The following OSBPL5 variants were observed in gnomAD, a reference collection of about 807,000 sequenced individuals.
The protein encoded by OSBPL5 is oxysterol-binding protein-related protein 5.
A neutral mutation model predicts 111.2 loss-of-function variants in OSBPL5; 71 were observed. The observed-to-expected ratio is 0.64, with a 90% confidence interval of 0.53 to 0.78. The LOEUF (loss-of-function observed/expected upper bound fraction) is 0.78. OSBPL5 is among the 30% of genes least tolerant of loss of function. OSBPL5 has a pLI of 0.00. For synonymous variants in OSBPL5, 549 were observed against 513.9 expected, an observed-to-expected ratio of 1.07 and a Z score of -0.93; for missense variants, 1,210 against 1,189.3, an observed-to-expected ratio of 1.02 and a Z score of -0.26.
chr11:3,131,964 T>C (rs868534348), intron 1 of OSBPL5, among the ~76,000 whole-genome samples: 71 of 10,786 alleles, frequency 6.6e-3, no homozygotes, highest in African/African-American at 0.013. Flanking sequence ...CATCCATCCA[T>C]CCATCCATCC....
At chr11:3,145,471 C>A (rs571767515) in intron 1 of OSBPL5, among the ~76,000 whole-genome samples, 8 of 152,340 alleles carry the variant, frequency 5.3e-5, no homozygotes, top group Non-Finnish European at 8.8e-5. Context: ...CTCCACTGAA[C>A]CTTCTGGAAG....
rs887771448 is a variant in OSBPL5, at chr11:3,120,482, T to C, written c.545A>G (p.Lys182Arg). 3 of 1,613,426 alleles carry C rather than the reference T, an allele frequency of 1.9e-6. No homozygotes were observed. Among genetic ancestry groups the C allele is most frequent in the East Asian group, 2.2e-5 (1 of 44,890 alleles). The part of the protein sequence containing the change: ...HCCELIERPS[K>R]KDGFCFKLFH... ...GAGCTTGAAGCAGAAGCCGTCCTTC[T>C]TGGAGGGCCGCTCGATGAGCTCGCA... Residue 182 changes from lysine to arginine, a missense_variant, in exon 6 of 22, where the codon AAG (lysine) becomes AGG (arginine). Physicochemically the swap from Lys to Arg is conservative, Grantham distance 26 (BLOSUM62 2). Transcript: ENST00000263650.
At chr11:3,094,488 G>C (rs1413820952) in intron 14 of OSBPL5, 154 bp from the exon 15 acceptor site, 7 of 612,814 alleles carry the variant, frequency 1.1e-5, no homozygotes, top group Admixed American at 1.1e-4. Context: ...GGGTGAGAAG[G>C]ACAGGAGGCG....
Position 3,140,068 on chromosome 11 carries a change from G to T in OSBPL5, c.-21-10899C>A, listed in dbSNP as rs933380992. ...CTCGGCTGTGCAGCCTGGGAGGGGG[G>T]TGTGCAGTGGTCCGCCAAGCAGCAC... On this transcript the variant is annotated intron_variant, in intron 1 of 21. Coordinates refer to ENST00000263650, the MANE Select transcript of OSBPL5 (RefSeq NM_020896.4). The surrounding 1 kb of genome is among the most constrained non-coding windows in gnomAD (Gnocchi z 4.5). Among the ~76,000 whole-genome samples, 1 of 152,240 alleles carries T rather than the reference G, an allele frequency of 6.6e-6. No homozygotes were observed. The highest frequency in any genetic ancestry group is 1.5e-5 in the Non-Finnish European group (1 of 68,026).
chr11:3,138,179 G>C (rs984199133), intron 1 of OSBPL5, among the ~76,000 whole-genome samples: 3 of 152,184 alleles, frequency 2.0e-5, no homozygotes, highest in Non-Finnish European at 4.4e-5. Flanking sequence ...GCCCACTGAA[G>C]GCTCAGAGCA....
At chr11:3,164,701 C>T (rs1234875840) in intron 1 of OSBPL5, among the ~76,000 whole-genome samples, 1 of 152,220 alleles carries the variant, frequency 6.6e-6, no homozygotes, top group Non-Finnish European at 1.5e-5. Flanking sequence ...GACTCAGACA[C>T]AGCAGTCCTC....
chr11:3,089,683 C>G (rs898546032), intron 21 of OSBPL5, among the ~76,000 whole-genome samples, 163 bp downstream of exon 21: 1 of 152,218 alleles, frequency 6.6e-6, no homozygotes, highest in Non-Finnish European at 1.5e-5. Flanking sequence ...CTCCTGCCCT[C>G]GGCGGTTGTC....
In OSBPL5 at chr11:3,129,224, G is replaced by C. The variant is rs1330403636; in HGVS notation, c.-21-55C>G. On this transcript the variant is annotated intron_variant, in intron 1 of 21. Transcript: ENST00000263650. ...GGTCACCGCCCCGGAAGGGGCTTCA[G>C]AGCCACATGGTGGGGGTGCCCCTGG... 2.2e-6 allele frequency: 3 copies of C among 1,342,810 alleles called. No homozygotes were observed. In the African/African-American group the frequency reaches 4.6e-5, roughly 21 times the overall value. 83.2% of individuals were successfully genotyped at this position (1,342,810 alleles called of 1,614,324 possible). A position where few individuals can be genotyped will look rare whatever the true frequency, so the allele number is the denominator to read the frequency against.
At chr11:3,133,362 C>T (rs941890770) in intron 1 of OSBPL5, among the ~76,000 whole-genome samples, 2 of 152,232 alleles carry the variant, frequency 1.3e-5, no homozygotes, top group Non-Finnish European at 2.9e-5. Context: ...GAGGCAGCAG[C>T]GACCTGGGAT....
intron 14 of OSBPL5, among the ~76,000 whole-genome samples, chr11:3,095,899 A>C (rs1320484141): frequency 6.6e-6 from 1 of 152,180 alleles, no homozygotes; most frequent in South Asian, 2.1e-4. Flanking sequence ...CACAAGGAAC[A>C]ACAGGCCCTG....
intron 3 of OSBPL5, among the ~76,000 whole-genome samples, chr11:3,123,767 G>T (rs983720794): frequency 6.6e-6 from 1 of 152,224 alleles, no homozygotes; most frequent in Non-Finnish European, 1.5e-5. Flanking sequence ...TCCTGTTCGG[G>T]TGCTGCCTGT....
Position 3,126,577 on chromosome 11 carries a change from G to A in OSBPL5, c.137-22C>T, listed in dbSNP as rs373928003. 71 of 1,596,480 alleles carry A rather than the reference G, an allele frequency of 4.4e-5. No homozygotes were observed. Among genetic ancestry groups the A allele is most frequent in the Non-Finnish European group, 5.8e-5 (68 of 1,172,898 alleles). ...TTCCCTGCAAGAGAGCAGTGGGAGTGAGGACCCAGGCATGGTGGCGTGGCC... is the reference window on the plus strand; with the variant it reads ...TTCCCTGCAAGAGAGCAGTGGGAGTAAGGACCCAGGCATGGTGGCGTGGCC... On this transcript the variant is annotated intron_variant, in intron 2 of 21. Transcript: ENST00000263650. The surrounding 1 kb of genome is among the most constrained non-coding windows in gnomAD (Gnocchi z 6.5).
rs993287413 is a variant in OSBPL5 at position 3,121,697 on chromosome 11, G to A, written c.402+300C>T. ...AATGTCTCCCTCCCCAGCGCCCTCCGCCCACTGGCCAGGCCCCACCTTATT... is the reference window on the plus strand; with the variant it reads ...AATGTCTCCCTCCCCAGCGCCCTCCACCCACTGGCCAGGCCCCACCTTATT... On this transcript the variant is annotated intron_variant, in intron 5 of 21. Coordinates refer to ENST00000263650, the MANE Select transcript of OSBPL5 (RefSeq NM_020896.4). This position sits in a 1 kb window ranked among gnomAD's most constrained non-coding sequence, Gnocchi z 4.3. The A allele has an allele frequency of 3.4e-5, 14 of 409,174 alleles. No individual in the cohort carries two copies. Among genetic ancestry groups the A allele is most frequent in the Non-Finnish European group, 5.8e-5 (13 of 223,588 alleles). 25.3% of individuals were successfully genotyped at this position (409,174 alleles called of 1,614,324 possible). A position where few individuals can be genotyped will look rare whatever the true frequency, so the allele number is the denominator to read the frequency against.
chr11:3,098,107 C>A (rs955713088), intron 14 of OSBPL5, among the ~76,000 whole-genome samples: 11 of 151,820 alleles, frequency 7.2e-5, no homozygotes, highest in Admixed American at 1.3e-4. Context: ...AACAAAAAAA[C>A]CAGGCAGGTT....
Position 3,089,890 on chromosome 11 carries a change from G to A in OSBPL5, c.2457C>T (p.His819=), listed in dbSNP as rs573151125. The A allele has an allele frequency of 7.0e-6, 11 of 1,566,164 alleles. No individual in the cohort carries two copies. The highest frequency in any genetic ancestry group is 5.9e-5 in the South Asian group (5 of 85,188). ...CCTCTCGGATGGAGAGGATGGCCTCGTGCAGGGCCTGCAGCCGCCGCGCCT... is the reference window on the plus strand; with the variant it reads ...CCTCTCGGATGGAGAGGATGGCCTCATGCAGGGCCTGCAGCCGCCGCGCCT... The part of the protein sequence containing the change: ...RKEARRLQAL[H]EAILSIREAQ... The change falls in exon 21 of 22, where the codon CAC becomes CAT. Residue 819 remains histidine, a synonymous_variant. Transcript: ENST00000263650.
chr11:3,108,018 G>C, intron 7 of OSBPL5, 73 bp from the exon 8 acceptor site: 1 of 1,539,226 alleles, frequency 6.5e-7, no homozygotes, highest in Non-Finnish European at 8.7e-7. Flanking sequence ...GGGCCACCAG[G>C]AGGCTCCCCC....
At chr11:3,112,003 G>GCATGTGTA (rs1554898174) in intron 7 of OSBPL5, among the ~76,000 whole-genome samples, 2 of 142,322 alleles carry the variant, frequency 1.4e-5, no homozygotes, top group African/African-American at 2.7e-5. Context: ...GCATGTGTGT[G>GCATGTGTA]TGTGTGCGCG....
chr11:3,102,559 G>A (rs1393026600), intron 11 of OSBPL5, among the ~76,000 whole-genome samples: 1 of 152,164 alleles, frequency 6.6e-6, no homozygotes, highest in Non-Finnish European at 1.5e-5. Flanking sequence ...CACTCTCCTT[G>A]GACCTTGGGT....
intron 7 of OSBPL5, among the ~76,000 whole-genome samples, chr11:3,111,194 G>C (rs563743590): frequency 1.5e-5 from 2 of 132,058 alleles, no homozygotes; most frequent in East Asian, 5.8e-4. Context: ...CTCAAAATTT[G>C]GTCGAGATCT....
Sources: allele counts gnomAD v4.1 joint callset (sites outside exome capture counted in the v4.1 genomes callset), GRCh38; gene constraint gnomAD v4.1.1; non-coding constraint Gnocchi (gnomAD v3.1); transcripts MANE v1.5; gene names NCBI Gene and HGNC (gene_info 2026-07-23, HGNC 2026-07-21).